DPEP2: variants seen among roughly 807,000 people sequenced by gnomAD.
DPEP2 encodes dipeptidase 2.
In DPEP2, 45 loss-of-function variants were observed where a neutral mutation model predicts 51.8. The observed-to-expected ratio is 0.87, with a 90% CI of 0.68 to 1.11. The LOEUF (loss-of-function observed/expected upper bound fraction) is 1.11, where lower values mean the gene tolerates loss of function less well. DPEP2 is among the 50% of genes most tolerant of loss of function. The pLI, the probability that DPEP2 is intolerant of heterozygous loss-of-function variation, is 0.00. For synonymous variants in DPEP2, 255 were observed against 262.7 expected (o/e 0.97, Z 0.28); for missense variants, 604 against 631.9 (o/e 0.96, Z 0.47).
intron 1 of DPEP2, among the ~76,000 whole-genome samples, chr16:67,997,155 C>T (rs902290061): frequency 6.6e-6 from 1 of 150,964 alleles, no homozygotes; most frequent in Non-Finnish European, 1.5e-5. Flanking sequence ...GCCTCAGCCT[C>T]CCGAGTAGCT....
Position 67,991,370 on chromosome 16 carries a change from C to CTTTTT in DPEP2, c.663-191_663-187dup, listed in dbSNP as rs918452974. Reference sequence around the variant, plus strand: ...TGGGTCCAGTCTTTTTTTTCCTTTTCTTTTTTTTTTTTTTTTGGCAATAGA... The same window carrying CTTTTT: ...TGGGTCCAGTCTTTTTTTTCCTTTTCTTTTTTTTTTTTTTTTTTTTTGGCAATAGA... On this transcript the variant is annotated intron_variant, in intron 5 of 10. Coordinates refer to ENST00000393847, the MANE Select transcript of DPEP2 (RefSeq NM_022355.4). The surrounding 1 kb of genome is among the most constrained non-coding windows in gnomAD (Gnocchi z 5.1). Among the ~76,000 whole-genome samples, 2 of 137,466 alleles carry CTTTTT rather than the reference C, an allele frequency of 1.5e-5. No homozygotes were observed. Among genetic ancestry groups the CTTTTT allele is most frequent in the African/African-American group, 2.7e-5 (1 of 37,358 alleles). The allele number at this position is 137,466 out of a possible 152,430, so 90.2% of individuals were successfully genotyped here.
chr16:67,998,525 G>C (rs6499152), intron 1 of DPEP2, among the ~76,000 whole-genome samples: 7,353 of 152,286 alleles, frequency 0.048, 547 homozygotes, highest in African/African-American at 0.16. Flanking sequence ...TGTGCGGCCG[G>C]AGCCTCCCCG....
At chr16:67,993,359 G>A in intron 1 of DPEP2, 102 bp from the exon 2 acceptor site, 19 of 1,306,982 alleles carry the variant, frequency 1.5e-5, no homozygotes, top group Non-Finnish European at 1.8e-5. Context: ...CGAAGTCACA[G>A]GGCCCCGCGA....
chr16:67,990,736 T>C lies in DPEP2; in HGVS notation c.909+85A>G, dbSNP rs1034057384. Reference sequence around the variant, plus strand: ...ACCTCAGCCTCCCAAAGTGCTGGGATTACAGGTGTGAGCCACCATGCCTGG... The same window carrying C: ...ACCTCAGCCTCCCAAAGTGCTGGGACTACAGGTGTGAGCCACCATGCCTGG... On this transcript the variant is annotated intron_variant, in intron 7 of 10. Coordinates refer to ENST00000393847, the MANE Select transcript of DPEP2 (RefSeq NM_022355.4). 2.0e-6 allele frequency: 3 copies of C among 1,470,628 alleles called. No individual in the cohort carries two copies. In the African/African-American group the frequency reaches 4.2e-5, roughly 21 times the overall value. 91.1% of individuals were successfully genotyped at this position (1,470,628 alleles called of 1,614,324 possible).
Position 67,992,951 on chromosome 16 carries a change from C to T in DPEP2, c.262G>A (p.Gly88Ser), listed in dbSNP as rs753151494. ...CGCCCCCTTGCAGCAATTACGCACC[C>T]GTCCACGAGCGGGAAGTCCCGCATC... ...ALMRDFPLVD[G>S]HNDLPLVLRQ... The change falls in exon 2 of 11, where the codon GGC becomes AGC. Residue 88 changes from glycine to serine, a missense_variant and splice_region_variant. Physicochemically the swap from Gly to Ser is moderately conservative, Grantham distance 56. Coordinates refer to ENST00000393847, the MANE Select transcript of DPEP2 (RefSeq NM_022355.4). 1.9e-6 allele frequency: 3 copies of T among 1,609,680 alleles called. No individual in the cohort carries two copies. The highest frequency in any genetic ancestry group is 1.3e-5 in the African/African-American group (1 of 75,006).
At chr16:67,990,763 C>T (rs540060614) in intron 7 of DPEP2, 58 bp downstream of exon 7, 40 of 1,561,122 alleles carry the variant, frequency 2.6e-5, no homozygotes, top group South Asian at 2.5e-4. Context: ...CATGCCTGGC[C>T]GAAGGGCTCC....
chr16:67,990,141 C>T lies in DPEP2; in HGVS notation c.910-10G>A, dbSNP rs200198109. 575 of 1,613,684 alleles carry T rather than the reference C, an allele frequency of 3.6e-4. No individual in the cohort carries two copies. The highest frequency in any genetic ancestry group is 1.7e-3 in the Middle Eastern group (10 of 5,966). On this transcript the variant is annotated splice_polypyrimidine_tract_variant and intron_variant, in intron 7 of 10. Transcript: ENST00000393847. ...CGCCACCGTTCTTCTTCTGCAGGGG[C>T]GGGCAAGTGGACACTTAGCCTGGCC...
At position 67,991,133 on chromosome 16, in the gene DPEP2, C is replaced by T. The variant is rs1158445899; in HGVS notation, c.714G>A (p.Gly238=). Residue 238 remains glycine (G), a synonymous_variant, in exon 6 of 11, where the codon GGG becomes GGA. Coordinates refer to ENST00000393847, the MANE Select transcript of DPEP2 (RefSeq NM_022355.4). The surrounding 1 kb of genome is among the most constrained non-coding windows in gnomAD (Gnocchi z 5.1). ...GVHSFYNNIS[G]LTDFGEKVVA... The stretch of plus-strand genomic sequence containing the variant: ...TCCTCACCTCACCAAAGTCAGTCAG[C>T]CCGCTGATGTTGTTGTAGAAGGAGT... The T allele has an allele frequency of 1.9e-6, 3 of 1,614,126 alleles. No homozygotes were observed. In the Middle Eastern group the frequency reaches 5.0e-4, roughly 269 times the overall value.
In DPEP2 at chr16:67,994,045, G is replaced by A. The variant is rs1029731659; in HGVS notation, c.-45-788C>T. 3 of 985,502 alleles carry A rather than the reference G, an allele frequency of 3.0e-6. No individual in the cohort carries two copies. The African/African-American group carries it at 5.2e-5, about 17-fold the overall frequency. The allele number at this position is 985,502 out of a possible 1,614,324, so 61.0% of individuals were successfully genotyped here. The stretch of plus-strand genomic sequence containing the variant: ...CAGTGGAGGGATGAGAGCGCAGCAA[G>A]CATCTGGCCACTGCCAGGGAACATT... On this transcript the variant is annotated intron_variant, in intron 1 of 10. Transcript: ENST00000393847.
At position 67,992,055 on chromosome 16, in the gene DPEP2, C is replaced by CT. The variant is rs762028362; in HGVS notation, c.520+8dup. The CT allele has an allele frequency of 5.0e-6, 8 of 1,614,124 alleles. No homozygotes were observed. The Admixed American group carries it at 1.3e-4, about 27-fold the overall frequency. ...TCAAGTTCCTAACGCTTCCCATCAA[C>CT]TTGCCTACCTTTAGCCGAGGTCACA... On this transcript the variant is annotated intron_variant, in intron 4 of 10. Transcript: ENST00000393847.
intron 1 of DPEP2, 71 bp from the exon 2 acceptor site, chr16:67,993,328 G>C (rs1236333725): frequency 9.8e-6 from 13 of 1,327,006 alleles, no homozygotes; most frequent in Non-Finnish European, 1.3e-5. Flanking sequence ...ACCTGGCGGC[G>C]TGGCCTCAAG....
intron 7 of DPEP2, 73 bp from the exon 8 acceptor site, chr16:67,990,204 A>G: frequency 6.9e-7 from 1 of 1,449,412 alleles, no homozygotes; most frequent in Non-Finnish European, 9.6e-7. Context: ...CACCCTCTGG[A>G]TCCCTGGAGA....
At position 67,992,528 on chromosome 16, in the gene DPEP2, A is replaced by T. The variant is rs754369932; in HGVS notation, c.372T>A (p.Asp124Glu). Reference protein sequence around the residue: ...YGQTSLDRLRDGLVGAQFWSA... With the variant: ...YGQTSLDRLREGLVGAQFWSA... ...GTGGTACCTGGGCGCCCACGAGGCC[A>T]TCTCTAAGCCTGTCCAGGCTGGTCT... The change falls in exon 3 of 11, where the codon GAT becomes GAA. Residue 124 changes from aspartate (D) to glutamate (E), a missense_variant. Transcript: ENST00000393847. 1.2e-6 allele frequency: 2 copies of T among 1,612,086 alleles called. No homozygotes were observed. Among genetic ancestry groups the T allele is most frequent in the Non-Finnish European group, 1.7e-6 (2 of 1,178,538 alleles).
rs559692086 is a variant in DPEP2 at position 67,993,267 on chromosome 16, G to A, written c.-45-10C>T. 72 of 1,393,906 alleles carry A rather than the reference G, an allele frequency of 5.2e-5. No homozygotes were observed. The East Asian group carries it at 1.7e-3, about 32-fold the overall frequency. 86.3% of individuals were successfully genotyped at this position (1,393,906 alleles called of 1,614,324 possible). On this transcript the variant is annotated splice_polypyrimidine_tract_variant and intron_variant, in intron 1 of 10. Coordinates refer to ENST00000393847, the MANE Select transcript of DPEP2 (RefSeq NM_022355.4). Reference sequence around the variant, plus strand: ...GTGGCAGTCAGAGAGCCTGAGAGGGGCGGGCGAGGGGCAGAGCGCGACGAT... The same window carrying A: ...GTGGCAGTCAGAGAGCCTGAGAGGGACGGGCGAGGGGCAGAGCGCGACGAT...
Position 67,993,245 on chromosome 16 carries a change from G to A in DPEP2, c.-33C>T. 1 of 1,411,882 alleles carries A rather than the reference G, an allele frequency of 7.1e-7. No homozygotes were observed. The highest frequency in any genetic ancestry group is 9.3e-7 in the Non-Finnish European group (1 of 1,079,838). 87.5% of individuals were successfully genotyped at this position (1,411,882 alleles called of 1,614,324 possible). On this transcript the variant is annotated 5_prime_UTR_variant, in exon 2 of 11. Transcript: ENST00000393847. Reference sequence around the variant, plus strand: ...AGGGCCGGGCAGGCAGGCAGGGGTGGCAGTCAGAGAGCCTGAGAGGGGCGG... The same window carrying A: ...AGGGCCGGGCAGGCAGGCAGGGGTGACAGTCAGAGAGCCTGAGAGGGGCGG...
chr16:68,000,436 G>C (rs1320287214), upstream of DPEP2: 2 of 985,272 alleles, frequency 2.0e-6, no homozygotes, highest in African/African-American at 3.5e-5. Flanking sequence ...GTGGGGTGCA[G>C]CTGGGGCTTA....
chr16:67,988,431 G>A (rs759214309), intron 9 of DPEP2, among the ~76,000 whole-genome samples: 2 of 151,110 alleles, frequency 1.3e-5, no homozygotes, highest in African/African-American at 4.9e-5. Context: ...AGGAAAGAAA[G>A]AAAGAAAGAA....
In DPEP2 at chr16:67,987,887, C is replaced by T. The variant is rs569731919; in HGVS notation, c.1171G>A (p.Gly391Arg). ...TGTCTGAAGACCCGCAGCAGGTTTC[C>T]ACGAAGGACACCCTGAAGCTCTTCC... is the stretch of plus-strand genomic sequence containing the variant. ...SEEELQGVLR[G>R]NLLRVFRQVE... is the part of the protein sequence containing the mutation. Residue 391 changes from glycine (G) to arginine (R), a missense_variant, in exon 10 of 11, where the codon GGA becomes AGA. Gly to Arg is a moderately radical substitution (Grantham distance 125). Transcript: ENST00000393847. 2 of 1,614,176 alleles carry T rather than the reference C, an allele frequency of 1.2e-6. No individual in the cohort carries two copies. Among genetic ancestry groups the T allele is most frequent in the East Asian group, 4.5e-5 (2 of 44,886 alleles).
In DPEP2 at chr16:67,990,965, C is replaced by A; in HGVS notation, c.765G>T (p.Met255Ile). The A allele has an allele frequency of 6.2e-7, 1 of 1,614,182 alleles. No homozygotes were observed. Residue 255 changes from methionine (M) to isoleucine (I), a missense_variant, in exon 7 of 11, where the codon ATG becomes ATT. Transcript: ENST00000393847. ...CTGAGACATGGGATAAGTCTACCAT[C>A]ATGCCCAGGCGGTTCATTTCTGCCA... is the stretch of plus-strand genomic sequence containing the variant. ...KVVAEMNRLG[M>I]MVDLSHVSDA... is the part of the protein sequence containing the mutation.
Sources: gnomAD v4.1 joint callset for allele counts (sites outside exome capture counted in the v4.1 genomes callset) on GRCh38, gnomAD v4.1.1 for gene constraint, Gnocchi (gnomAD v3.1) non-coding constraint, MANE v1.5 for transcripts, NCBI Gene and HGNC (gene_info 2026-07-23, HGNC 2026-07-21) for gene names.